The following SEZ6L variants were observed in gnomAD, a reference collection of about 807,000 sequenced individuals.
The protein encoded by SEZ6L is seizure related 6 homolog like.
SEZ6L carries 37 observed loss-of-function variants against 106.2 expected under a neutral mutation model. The ratio of observed to expected loss-of-function variants is 0.35; its 90% confidence interval spans 0.27 to 0.46. SEZ6L has a LOEUF of 0.46. Ranked by LOEUF, SEZ6L falls within the 20% of genes least tolerant of loss-of-function variation. The probability of loss-of-function intolerance (pLI) is 1.00; values close to 1 mark genes in which losing one functional copy is unlikely to be tolerated. For synonymous variants in SEZ6L, 541 were observed against 570.4 expected, an observed-to-expected ratio of 0.95 and a Z score of 0.73; for missense variants, 1,172 against 1,332.8, an observed-to-expected ratio of 0.88 and a Z score of 1.88.
chr22:26,352,797 C>G (rs1045085073), intron 12 of SEZ6L, among the ~76,000 whole-genome samples: 8 of 152,206 alleles, frequency 5.3e-5, no homozygotes, highest in Non-Finnish European at 1.2e-4. Flanking sequence ...TGTCTGTTGC[C>G]TGTCGTTGAA....
chr22:26,368,575 C>T (rs28624156), intron 13 of SEZ6L, among the ~76,000 whole-genome samples: 152 of 152,198 alleles, frequency 1.0e-3, no homozygotes, highest in African/African-American at 3.3e-3. Context: ...AAAGCAGAGT[C>T]GTGGTTGTCT....
rs778674201 is a variant in SEZ6L, at chr22:26,292,756, C to T, written c.445C>T (p.Pro149Ser). Residue 149 changes from proline to serine, a missense_variant, in exon 2 of 17, where the codon CCA becomes TCA. By Grantham distance (74) the Pro-to-Ser change is moderately conservative. This residue lies in a region of SEZ6L where 494 missense variants were observed against 445.8 expected (regional missense o/e 1.11). Coordinates refer to ENST00000248933, the MANE Select transcript of SEZ6L (RefSeq NM_021115.5). ...AATVQRAGSQ[P>S]ASQGLDLLSS... ...CACTGTCCAAAGGGCAGGGTCCCAGCCAGCGTCCCAGGGCCTAGATCTCCT... is the reference window on the plus strand; with the variant it reads ...CACTGTCCAAAGGGCAGGGTCCCAGTCAGCGTCCCAGGGCCTAGATCTCCT... 4 of 1,614,124 alleles carry T rather than the reference C, an allele frequency of 2.5e-6. No individual in the cohort carries two copies. The East Asian group carries it at 6.7e-5, about 27-fold the overall frequency.
intron 1 of SEZ6L, among the ~76,000 whole-genome samples, chr22:26,172,435 G>C (rs1302982995): frequency 6.6e-6 from 1 of 152,156 alleles, no homozygotes; most frequent in Non-Finnish European, 1.5e-5. Flanking sequence ...AGGGCAAAAG[G>C]ATATTTTCTG....
chr22:26,186,690 G>A (rs541058432), intron 1 of SEZ6L, among the ~76,000 whole-genome samples: 2 of 152,304 alleles, frequency 1.3e-5, no homozygotes, highest in Admixed American at 6.5e-5. Flanking sequence ...TCTTGCTAAA[G>A]TGACTAGCAG....
intron 12 of SEZ6L, among the ~76,000 whole-genome samples, chr22:26,361,218 C>T (rs1267316069): frequency 6.6e-6 from 1 of 151,878 alleles, no homozygotes; most frequent in African/African-American, 2.4e-5. Flanking sequence ...ATTACATAGG[C>T]CAGGTGTGGT....
In SEZ6L at chr22:26,227,946, G is replaced by A. The variant is rs574638052; in HGVS notation, c.94+58183G>A. Among the ~76,000 whole-genome samples, 19 of 152,300 alleles carry A rather than the reference G, an allele frequency of 1.2e-4. No homozygotes were observed. The South Asian group carries it at 3.9e-3, about 32-fold the overall frequency. ...AAAAACGTGCCAATGGCCACAGAAG[G>A]GACACAAGCCCCGCGAGAGTGGAGG... On this transcript the variant is annotated intron_variant, in intron 1 of 16. Coordinates refer to ENST00000248933, the MANE Select transcript of SEZ6L (RefSeq NM_021115.5).
At chr22:26,315,373 G>A (rs541871921) in intron 9 of SEZ6L, among the ~76,000 whole-genome samples, 2 of 152,234 alleles carry the variant, frequency 1.3e-5, no homozygotes, top group Admixed American at 6.5e-5. Context: ...CAGCTACTTG[G>A]GAGGCTGAGA....
chr22:26,170,018 G>A (rs745717099), intron 1 of SEZ6L, among the ~76,000 whole-genome samples: 1 of 152,144 alleles, frequency 6.6e-6, no homozygotes, highest in Non-Finnish European at 1.5e-5. Flanking sequence ...TTCCCCGGCT[G>A]CGGGGCTGAT....
At position 26,360,158 on chromosome 22, in the gene SEZ6L, A is replaced by T. The variant is rs201283556; in HGVS notation, c.2600-5214A>T. On this transcript the variant is annotated intron_variant, in intron 12 of 16. Transcript: ENST00000248933. Reference sequence around the variant, plus strand: ...TCTCCTGGAGAGTTTTAAAAAGAATACTCTGGGTGACTAATTAAATTAAAA... The same window carrying T: ...TCTCCTGGAGAGTTTTAAAAAGAATTCTCTGGGTGACTAATTAAATTAAAA... Among the ~76,000 whole-genome samples the T allele has an allele frequency of 2.0e-5, 3 of 152,130 alleles. No individual in the cohort carries two copies. The East Asian group carries it at 5.8e-4, about 29-fold the overall frequency.
In SEZ6L at chr22:26,299,138, G is replaced by C. The variant is rs149068026; in HGVS notation, c.1317G>C (p.Pro439=). ...TGACATGCATCAATGCCTCCAAGCC[G>C]CACTGGAGCAGCCAGGAGCCCATCT... ...KMLTCINASK[P]HWSSQEPICS... is the part of the protein sequence containing the mutation. Residue 439 remains proline, a synonymous_variant, in exon 5 of 17, where the codon CCG becomes CCC. Transcript: ENST00000248933. 6.4e-7 allele frequency: 1 copy of C among 1,567,426 alleles called. No homozygotes were observed. Among genetic ancestry groups the C allele is most frequent in the Non-Finnish European group, 8.7e-7 (1 of 1,155,224 alleles).
Position 26,348,586 on chromosome 22 carries a change from G to GAA in SEZ6L, c.2407+674_2407+675insAA, listed in dbSNP as rs1483427654. 1.0e-3 allele frequency among the ~76,000 whole-genome samples: 59 copies of GAA among 57,854 alleles called. 4 individuals are homozygous for GAA. Among genetic ancestry groups the GAA allele is most frequent in the African/African-American group, 5.5e-3 (47 of 8,506 alleles). The allele number at this position is 57,854 out of a possible 152,430, so 38.0% of individuals were successfully genotyped here. A position where few individuals can be genotyped will look rare whatever the true frequency, so the allele number is the denominator to read the frequency against. On this transcript the variant is annotated intron_variant, in intron 11 of 16. Transcript: ENST00000248933. Reference sequence around the variant, plus strand: ...GGGAGGAAAGAAAGAAAGAAAGAAAGAGAAAGAAAGAAAGAAAGAAAGAGA... The same window carrying GAA: ...GGGAGGAAAGAAAGAAAGAAAGAAAGAAAGAAAGAAAGAAAGAAAGAAAGAGA...
chr22:26,340,919 G>A (rs1029884179), intron 10 of SEZ6L, among the ~76,000 whole-genome samples: 12 of 151,454 alleles, frequency 7.9e-5, no homozygotes, highest in Middle Eastern at 3.4e-3. Flanking sequence ...ATTCCACAAG[G>A]TTGATATCAG....
intron 1 of SEZ6L, among the ~76,000 whole-genome samples, chr22:26,256,870 G>A (rs1369442475): frequency 6.6e-6 from 1 of 152,158 alleles, no homozygotes. Flanking sequence ...GTTTGTCATC[G>A]GCTGAGATTC....
Position 26,262,145 on chromosome 22 carries a change from A to AATAT in SEZ6L, c.95-30250_95-30247dup, listed in dbSNP as rs10669410. On this transcript the variant is annotated intron_variant, in intron 1 of 16. Coordinates refer to ENST00000248933, the MANE Select transcript of SEZ6L (RefSeq NM_021115.5). ...ATCTGTTGGCCAGAGGTATAATGGG[A>AATAT]ATATATATATATATTTAATATATTG... Among the ~76,000 whole-genome samples, 395 of 149,240 alleles carry AATAT rather than the reference A, an allele frequency of 2.6e-3. 1 individual carries two copies. Among genetic ancestry groups the AATAT allele is most frequent in the South Asian group, 0.01 (49 of 4,720 alleles).
intron 1 of SEZ6L, among the ~76,000 whole-genome samples, chr22:26,276,146 G>A (rs1238378792): frequency 1.3e-5 from 2 of 152,222 alleles, no homozygotes; most frequent in Non-Finnish European, 2.9e-5. Context: ...AGAGAGTACA[G>A]TTCCCGCCTC....
chr22:26,359,339 G>T (rs2083537909), intron 12 of SEZ6L, among the ~76,000 whole-genome samples: 2 of 152,202 alleles, frequency 1.3e-5, no homozygotes, highest in Admixed American at 1.3e-4. Flanking sequence ...TCACCAGTGA[G>T]TTCCACCTGA....
chr22:26,315,790 G>A (rs1469680972), intron 9 of SEZ6L, among the ~76,000 whole-genome samples: 2 of 152,076 alleles, frequency 1.3e-5, no homozygotes, highest in East Asian at 3.9e-4. Flanking sequence ...GGGCACGGTA[G>A]CTCACACCTG....
At chr22:26,357,530 G>T (rs2083477920) in intron 12 of SEZ6L, among the ~76,000 whole-genome samples, 1 of 152,162 alleles carries the variant, frequency 6.6e-6, no homozygotes, top group Admixed American at 6.5e-5. Flanking sequence ...AATTCCCATG[G>T]AACCTACAGT....
intron 1 of SEZ6L, among the ~76,000 whole-genome samples, chr22:26,271,368 T>G (rs1433076751): frequency 6.6e-6 from 1 of 152,226 alleles, no homozygotes; most frequent in Non-Finnish European, 1.5e-5. Flanking sequence ...CTGTTGGGAA[T>G]ATTCCTAACA....
Sources: allele counts gnomAD v4.1 joint callset (sites outside exome capture counted in the v4.1 genomes callset), GRCh38; gene constraint gnomAD v4.1.1; regional missense constraint gnomAD v4.1.1; transcripts MANE v1.5; gene names NCBI Gene and HGNC (gene_info 2026-07-23, HGNC 2026-07-21).